HERC1: variants seen among roughly 807,000 people sequenced by gnomAD.
The protein encoded by HERC1 is probable E3 ubiquitin-protein ligase HERC1.
Under a neutral mutation model 554.3 loss-of-function variants are expected in HERC1, and 160 were observed. That is an observed-to-expected ratio of 0.29 (90% CI 0.25 to 0.33). HERC1 has a LOEUF of 0.33. HERC1 is among the 10% of genes least tolerant of loss of function. The probability of loss-of-function intolerance (pLI) is 1.00; values close to 1 mark genes in which losing one functional copy is unlikely to be tolerated. For missense variants in HERC1, 4,919 were observed against 5,918.5 expected (o/e 0.83, Z 5.54); for synonymous variants, 2,175 against 2,131.7 (o/e 1.02, Z -0.56).
In HERC1 at chr15:63,612,119, C is replaced by T. The variant is rs576650438; in HGVS notation, c.14400+132G>A. The T allele has an allele frequency of 1.7e-5, 13 of 753,120 alleles. No homozygotes were observed. The highest frequency in any genetic ancestry group is 1.4e-4 in the Admixed American group (5 of 34,718). The allele number at this position is 753,120 out of a possible 1,614,324, so 46.7% of individuals were successfully genotyped here. ...AGGAGAACTGCTTGAAGCTAGGAAG[C>T]GGAGGTTGCAGTAAGCTAAAATCAT... On this transcript the variant is annotated intron_variant, in intron 77 of 77. Coordinates refer to ENST00000443617, the MANE Select transcript of HERC1 (RefSeq NM_003922.4). The surrounding 1 kb of genome is among the most constrained non-coding windows in gnomAD (Gnocchi z 5.0).
At position 63,728,147 on chromosome 15, in the gene HERC1, G is replaced by A. The variant is rs376211444; in HGVS notation, c.3155-309C>T. On this transcript the variant is annotated intron_variant, in intron 16 of 77. Coordinates refer to ENST00000443617, the MANE Select transcript of HERC1 (RefSeq NM_003922.4). ...TATCTTCATTTTATAATTTACTCAAGAAATATTTATTTACTCAAGAAATAT... is the reference window on the plus strand; with the variant it reads ...TATCTTCATTTTATAATTTACTCAAAAAATATTTATTTACTCAAGAAATAT... Among the ~76,000 whole-genome samples the A allele has an allele frequency of 1.3e-4, 20 of 151,994 alleles. No individual in the cohort carries two copies. The East Asian group carries it at 3.5e-3, about 26-fold the overall frequency.
At chr15:63,731,533 T>A (rs1242568702) in intron 14 of HERC1, among the ~76,000 whole-genome samples, 1 of 152,220 alleles carries the variant, frequency 6.6e-6, no homozygotes, top group African/African-American at 2.4e-5. Flanking sequence ...TACACAATAT[T>A]GTTCTTATCC....
In HERC1 at chr15:63,641,547, A is replaced by G. The variant is rs2069065114; in HGVS notation, c.11530T>C (p.Leu3844=). ...TALKQQGVLG[L]NMAPCMRAFL... ...GCTCTCATGCAGGGAGCCATGTTCA[A>G]TCCCAGAACACCCTGCTGTTTCAAT... The change falls in exon 60 of 78, where the codon TTG becomes CTG. Residue 3844 remains leucine, a synonymous_variant. Transcript: ENST00000443617. The G allele has an allele frequency of 6.2e-7, 1 of 1,612,648 alleles. No homozygotes were observed. Among genetic ancestry groups the G allele is most frequent in the Non-Finnish European group, 8.5e-7 (1 of 1,179,286 alleles).
At chr15:63,742,918 C>T (rs1829253339) in intron 12 of HERC1, among the ~76,000 whole-genome samples, 1 of 152,128 alleles carries the variant, frequency 6.6e-6, no homozygotes, top group African/African-American at 2.4e-5. Flanking sequence ...CATCAGAGTA[C>T]TTTAATAGCT....
At chr15:63,769,132 C>T (rs1355813620) in intron 2 of HERC1, among the ~76,000 whole-genome samples, 1 of 152,136 alleles carries the variant, frequency 6.6e-6, no homozygotes, top group African/African-American at 2.4e-5. Context: ...ACTCATTCTA[C>T]ACAGGCCGGG....
Position 63,734,805 on chromosome 15 carries a change from A to G in HERC1, c.2565T>C (p.Pro855=), listed in dbSNP as rs766196890. 6 of 1,608,544 alleles carry G rather than the reference A, an allele frequency of 3.7e-6. No homozygotes were observed. The Admixed American group carries it at 1.0e-4, about 27-fold the overall frequency. ...TLSVGATMLL[P]PLRERMELLH... is the part of the protein sequence containing the mutation. ...GTAATTCCATCCGTTCTCGTAATGG[A>G]GGTAACAGCATGGTTGCTCCCACTG... is the stretch of plus-strand genomic sequence containing the variant. The change falls in exon 13 of 78, where the codon CCT becomes CCC. Residue 855 remains proline, a synonymous_variant. Transcript: ENST00000443617. The surrounding 1 kb of genome is among the most constrained non-coding windows in gnomAD (Gnocchi z 4.6).
intron 46 of HERC1, 129 bp from the exon 47 acceptor site, chr15:63,660,065 T>C (rs2070269974): frequency 5.3e-6 from 4 of 755,478 alleles, no homozygotes; most frequent in African/African-American, 5.2e-5. Flanking sequence ...ACGCCTGTAA[T>C]CCCAACACTC....
intron 74 of HERC1, among the ~76,000 whole-genome samples, chr15:63,621,051 T>G (rs1272216190): frequency 6.6e-6 from 1 of 152,228 alleles, no homozygotes; most frequent in East Asian, 1.9e-4. Context: ...ATTAGCTGGT[T>G]ATTTTGCTCG....
rs2073990908 is a variant in HERC1, at chr15:63,725,203, A to C, written c.3568+89T>G. The C allele has an allele frequency of 4.4e-6, 5 of 1,139,564 alleles. 1 individual carries two copies. In the South Asian group the frequency reaches 7.4e-5, roughly 17 times the overall value. 70.6% of individuals were successfully genotyped at this position (1,139,564 alleles called of 1,614,324 possible). ...GCTAATGTTGCAATTGGTGCCTGTCAGTTCTCTATTTAGCAAATCAGAATA... is the reference window on the plus strand; with the variant it reads ...GCTAATGTTGCAATTGGTGCCTGTCCGTTCTCTATTTAGCAAATCAGAATA... On this transcript the variant is annotated intron_variant, in intron 18 of 77. Transcript: ENST00000443617.
chr15:63,656,824 T>C (rs2070066290), intron 48 of HERC1, among the ~76,000 whole-genome samples: 1 of 152,210 alleles, frequency 6.6e-6, no homozygotes, highest in South Asian at 2.1e-4. Flanking sequence ...ATGTACTCTT[T>C]TGTGTCTGGC....
intron 8 of HERC1, chr15:63,752,706 A>T: frequency 3.0e-6 from 1 of 328,738 alleles, no homozygotes; most frequent in South Asian, 6.3e-5. Flanking sequence ...CTAAATGCTA[A>T]AACATTTTAG....
chr15:63,687,502 C>A (rs979274657), intron 33 of HERC1, among the ~76,000 whole-genome samples: 3 of 151,422 alleles, frequency 2.0e-5, no homozygotes, highest in Non-Finnish European at 2.9e-5. Context: ...CGCGCCACTG[C>A]ACTCCAGCCT....
chr15:63,679,074 T>C (rs1007465864), intron 36 of HERC1, among the ~76,000 whole-genome samples: 7 of 152,226 alleles, frequency 4.6e-5, no homozygotes, highest in Non-Finnish European at 8.8e-5. Flanking sequence ...TTATCAAAAA[T>C]GCCTTCTAGA....
chr15:63,829,565 A>G (rs12901439), intron 1 of HERC1, among the ~76,000 whole-genome samples: 28,081 of 73,746 alleles, frequency 0.38, 3,560 homozygotes, highest in South Asian at 0.41. Context: ...GTGTGTGTAT[A>G]TATATATATA....
At chr15:63,637,258 A>C in intron 64 of HERC1, 1 of 554,750 alleles carries the variant, frequency 1.8e-6, no homozygotes, top group African/African-American at 1.9e-5. Flanking sequence ...ATTTGTTTAC[A>C]ATCTTCAGTG....
rs751541442 is a variant in HERC1 at position 63,729,626 on chromosome 15, T to C, written c.2892A>G (p.Glu964=). 3 of 1,613,926 alleles carry C rather than the reference T, an allele frequency of 1.9e-6. No homozygotes were observed. The highest frequency in any genetic ancestry group is 2.5e-6 in the Non-Finnish European group (3 of 1,179,810). The change falls in exon 15 of 78, where the codon GAA becomes GAG. Residue 964 remains glutamate, a synonymous_variant. Coordinates refer to ENST00000443617, the MANE Select transcript of HERC1 (RefSeq NM_003922.4). ...CAAGTAGAAATTTATCACTATTCTTTTCTAGCTCTCCAAATGCTTGATCCT... is the reference window on the plus strand; with the variant it reads ...CAAGTAGAAATTTATCACTATTCTTCTCTAGCTCTCCAAATGCTTGATCCT... ...FYTDQAFGEL[E]KNSDKFLLGT...
chr15:63,815,352 G>C (rs2145490230), intron 1 of HERC1, among the ~76,000 whole-genome samples: 1 of 152,296 alleles, frequency 6.6e-6, no homozygotes, highest in East Asian at 1.9e-4. Flanking sequence ...TCCTGGCTTT[G>C]CTATGTCACT....
In HERC1 at chr15:63,675,048, A is replaced by G; in HGVS notation, c.7140T>C (p.Phe2380=). 1.2e-6 allele frequency: 2 copies of G among 1,614,070 alleles called. No homozygotes were observed. Among genetic ancestry groups the G allele is most frequent in the Middle Eastern group, 3.3e-4 (2 of 6,062 alleles). The change falls in exon 38 of 78, where the codon TTT becomes TTC. Residue 2380 remains phenylalanine (F), a synonymous_variant. Transcript: ENST00000443617. Reference sequence around the variant, plus strand: ...TCAGGCCTCGGAATCGCGCCACATCAAACGGCAATGGTTCACAGGGTTCCA... The same window carrying G: ...TCAGGCCTCGGAATCGCGCCACATCGAACGGCAATGGTTCACAGGGTTCCA... ...YNLEPCEPLP[F]DVARFRGLTA...
chr15:63,823,034 TTAGA>T (rs2077759030), intron 1 of HERC1, among the ~76,000 whole-genome samples: 1 of 152,166 alleles, frequency 6.6e-6, no homozygotes. Context: ...GAGATGTCTA[TTAGA>T]TAGTTTGTTA....
Sources: gnomAD v4.1 joint callset for allele counts (sites outside exome capture counted in the v4.1 genomes callset) on GRCh38, gnomAD v4.1.1 for gene constraint, Gnocchi (gnomAD v3.1) non-coding constraint, MANE v1.5 for transcripts, NCBI Gene and HGNC (gene_info 2026-07-23, HGNC 2026-07-21) for gene names.